L3MBTL4: variants seen among roughly 807,000 people sequenced by gnomAD.
The protein encoded by L3MBTL4 is L3MBTL histone methyl-lysine binding protein 4.
A neutral mutation model predicts 84.5 loss-of-function variants in L3MBTL4; 70 were observed. The observed-to-expected ratio is 0.83, with a 90% CI of 0.68 to 1.01. The LOEUF (loss-of-function observed/expected upper bound fraction) is 1.01. L3MBTL4 is among the 50% of genes least tolerant of loss of function. The pLI is 0.00. For missense variants in L3MBTL4, 715 were observed against 754.8 expected (o/e 0.95, Z 0.62); for synonymous variants, 274 against 259.8 (o/e 1.05, Z -0.52).
intron 14 of L3MBTL4, among the ~76,000 whole-genome samples, chr18:6,132,736 C>T (rs1319302746): frequency 1.3e-5 from 2 of 151,988 alleles, no homozygotes; most frequent in South Asian, 2.1e-4. Context: ...TCAATTAGAC[C>T]CCATTTACAT....
intron 4 of L3MBTL4, among the ~76,000 whole-genome samples, chr18:6,292,001 T>C (rs80268209): frequency 0.022 from 3,309 of 152,208 alleles, 105 homozygotes; most frequent in African/African-American, 0.074. Context: ...ACCACTAACA[T>C]AGCTAGAAGA....
intron 3 of L3MBTL4, among the ~76,000 whole-genome samples, chr18:6,307,695 G>A (rs1034036989): frequency 6.6e-6 from 1 of 151,972 alleles, no homozygotes; most frequent in Non-Finnish European, 1.5e-5. Context: ...TTCAGCAATA[G>A]TCTAAGATCC....
At chr18:6,064,296 C>T (rs141826286) in intron 16 of L3MBTL4, among the ~76,000 whole-genome samples, 83 of 152,146 alleles carry the variant, frequency 5.5e-4, no homozygotes, top group African/African-American at 1.9e-3. Flanking sequence ...TAATGTGATG[C>T]CTCCATATTT....
At chr18:6,241,157 T>C (rs1477970518) in intron 8 of L3MBTL4, among the ~76,000 whole-genome samples, 3 of 152,222 alleles carry the variant, frequency 2.0e-5, no homozygotes, top group Non-Finnish European at 2.9e-5. Flanking sequence ...TCTCATCTAA[T>C]TGAAGTATTT....
chr18:6,373,131 T>C (rs945608632), intron 1 of L3MBTL4, among the ~76,000 whole-genome samples: 6 of 152,128 alleles, frequency 3.9e-5, no homozygotes, highest in Admixed American at 2.6e-4. Context: ...AAAAAATTTC[T>C]CTAAGAAATA....
intron 16 of L3MBTL4, among the ~76,000 whole-genome samples, chr18:5,973,413 A>G (rs772654822): frequency 6.6e-6 from 1 of 152,214 alleles, no homozygotes; most frequent in Admixed American, 6.5e-5. Flanking sequence ...GTGACTGTTG[A>G]CAGGCTTTTA....
At chr18:6,169,580 C>G (rs181244169) in intron 13 of L3MBTL4, among the ~76,000 whole-genome samples, 4 of 148,124 alleles carry the variant, frequency 2.7e-5, no homozygotes, top group African/African-American at 1.0e-4. Context: ...ATCACAAGGA[C>G]AAAAAACCAA....
intron 10 of L3MBTL4, among the ~76,000 whole-genome samples, chr18:6,230,966 G>T (rs2046976435): frequency 6.6e-6 from 1 of 151,976 alleles, no homozygotes; most frequent in South Asian, 2.1e-4. Context: ...GTTCCTTATG[G>T]ATTCCAGATA....
intron 16 of L3MBTL4, among the ~76,000 whole-genome samples, chr18:5,970,098 G>A (rs2052566692): frequency 6.6e-6 from 1 of 152,232 alleles, no homozygotes; most frequent in African/African-American, 2.4e-5. Context: ...GTCCCCATGA[G>A]AAGCTGGGTG....
chr18:6,170,225 T>G (rs1462619327), intron 13 of L3MBTL4, among the ~76,000 whole-genome samples: 1 of 152,140 alleles, frequency 6.6e-6, no homozygotes, highest in Non-Finnish European at 1.5e-5. Context: ...GCTCTAGATT[T>G]TAGATTTATC....
chr18:5,963,195 G>T (rs1316732617), intron 17 of L3MBTL4, among the ~76,000 whole-genome samples: 9 of 152,174 alleles, frequency 5.9e-5, no homozygotes, highest in African/African-American at 2.2e-4. Context: ...AGAAGTGGTT[G>T]GTTAGAAACA....
chr18:6,329,937 AT>A (rs1443746644), intron 1 of L3MBTL4, among the ~76,000 whole-genome samples: 1 of 152,088 alleles, frequency 6.6e-6, no homozygotes, highest in African/African-American at 2.4e-5. Context: ...TCTGTGTCTC[AT>A]TTCTTTTACT....
At chr18:6,096,405 A>G (rs1474292526) in intron 14 of L3MBTL4, among the ~76,000 whole-genome samples, 1 of 152,214 alleles carries the variant, frequency 6.6e-6, no homozygotes, top group African/African-American at 2.4e-5. Flanking sequence ...TCCTGATTCT[A>G]TGAGGCAAAT....
At chr18:5,976,980 T>C (rs2052965962) in intron 16 of L3MBTL4, among the ~76,000 whole-genome samples, 1 of 152,100 alleles carries the variant, frequency 6.6e-6, no homozygotes, top group East Asian at 1.9e-4. Flanking sequence ...TTTAGGAGTC[T>C]CTGGACTCCG....
chr18:6,009,077 C>T (rs1011533422), intron 16 of L3MBTL4, among the ~76,000 whole-genome samples: 1 of 152,116 alleles, frequency 6.6e-6, no homozygotes, highest in East Asian at 1.9e-4. Context: ...AGCTATAAGG[C>T]GGGTTCAGAC....
At chr18:6,072,767 T>TCCC (rs1245346930) in intron 16 of L3MBTL4, among the ~76,000 whole-genome samples, 1 of 141,722 alleles carries the variant, frequency 7.1e-6, no homozygotes, top group Non-Finnish European at 1.5e-5. Flanking sequence ...GAAGCAGGAG[T>TCCC]ATGGCATGAA....
intron 14 of L3MBTL4, among the ~76,000 whole-genome samples, chr18:6,133,702 G>A (rs9955823): frequency 0.052 from 7,948 of 152,168 alleles, 700 homozygotes; most frequent in African/African-American, 0.18. Context: ...GTGGTTGTTC[G>A]ACTGTCTCTC....
At chr18:6,197,290 T>A (rs916776604) in intron 12 of L3MBTL4, among the ~76,000 whole-genome samples, 1 of 152,128 alleles carries the variant, frequency 6.6e-6, no homozygotes, top group African/African-American at 2.4e-5. Flanking sequence ...CAGGCCCCAG[T>A]GTGTGTTGTT....
intron 1 of L3MBTL4, among the ~76,000 whole-genome samples, chr18:6,388,450 A>G (rs1568591412): frequency 6.6e-6 from 1 of 152,242 alleles, no homozygotes; most frequent in Non-Finnish European, 1.5e-5. Context: ...TCATCACACC[A>G]TAAAATATTA....
Sources: gnomAD v4.1 joint callset for allele counts (sites outside exome capture counted in the v4.1 genomes callset) on GRCh38, gnomAD v4.1.1 for gene constraint, MANE v1.5 for transcripts, NCBI Gene and HGNC (gene_info 2026-07-23, HGNC 2026-07-21) for gene names.